Variants in LPP observed in about 807,000 individuals in gnomAD.
LPP encodes LIM domain containing preferred translocation partner in lipoma.
LPP carries 38 observed loss-of-function variants against 60.4 expected under a neutral mutation model. The ratio of observed to expected loss-of-function variants is 0.63; its 90% CI spans 0.49 to 0.83. LPP has a LOEUF of 0.83. Ranked by LOEUF, LPP falls within the 40% of genes least tolerant of loss-of-function variation. LPP has a pLI of 0.00. For synonymous variants in LPP, 328 were observed against 290.8 expected (o/e 1.13, Z -1.30); for missense variants, 902 against 783.6 (o/e 1.15, Z -1.80).
intron 3 of LPP, among the ~76,000 whole-genome samples, chr3:188,376,840 G>C (rs1490390323): frequency 6.6e-6 from 1 of 152,146 alleles, no homozygotes; most frequent in Admixed American, 6.5e-5. Flanking sequence ...GCAGTGGCTG[G>C]TACTGGTTGT....
At chr3:188,680,867 C>T (rs4686491) in intron 7 of LPP, among the ~76,000 whole-genome samples, 50,334 of 151,970 alleles carry the variant, frequency 0.33, 8,984 homozygotes, top group East Asian at 0.6. Flanking sequence ...TCATACTCAG[C>T]GCTGGAGCAC....
intron 6 of LPP, among the ~76,000 whole-genome samples, chr3:188,559,341 A>G (rs1296459136): frequency 1.3e-5 from 2 of 152,088 alleles, no homozygotes; most frequent in Non-Finnish European, 2.9e-5. Context: ...TAAATGTTCT[A>G]TCAGATATAT....
At chr3:188,723,681 A>T (rs1006562560) in intron 8 of LPP, among the ~76,000 whole-genome samples, 2 of 152,122 alleles carry the variant, frequency 1.3e-5, no homozygotes, top group Non-Finnish European at 2.9e-5. Context: ...TCGATGCATA[A>T]TCCACTTAGC....
chr3:188,867,518 A>AT (rs1214036619), intron 10 of LPP, among the ~76,000 whole-genome samples: 9 of 151,750 alleles, frequency 5.9e-5, no homozygotes, highest in African/African-American at 2.2e-4. Context: ...TAATGTTTGT[A>AT]TTTTTAGTAG....
chr3:188,190,668 G>A (rs1727914807), intron 1 of LPP, among the ~76,000 whole-genome samples: 1 of 152,296 alleles, frequency 6.6e-6, no homozygotes, highest in Non-Finnish European at 1.5e-5. Context: ...GCAGTAGAAG[G>A]CAGGAGTGAC....
At chr3:188,587,233 C>T (rs201693678) in intron 6 of LPP, among the ~76,000 whole-genome samples, 7,370 of 11,332 alleles carry the variant, frequency 0.65, 3,577 homozygotes, top group Middle Eastern at 1. Flanking sequence ...GTCCCAGCTA[C>T]TCGGGAGGCT....
At chr3:188,698,174 A>G (rs560531005) in intron 7 of LPP, among the ~76,000 whole-genome samples, 1 of 152,246 alleles carries the variant, frequency 6.6e-6, no homozygotes, top group African/African-American at 2.4e-5. Flanking sequence ...CCAAATGAAG[A>G]TGAAACGTGT....
intron 6 of LPP, among the ~76,000 whole-genome samples, chr3:188,540,055 T>A (rs1254244484): frequency 6.6e-6 from 1 of 152,176 alleles, no homozygotes; most frequent in African/African-American, 2.4e-5. Flanking sequence ...CTGGTATAGA[T>A]GTTTCATTTG....
In LPP at chr3:188,888,912, T is replaced by G. The variant is rs773106340; in HGVS notation, c.*14433T>G. The stretch of plus-strand genomic sequence containing the variant: ...TTGCTAAGGTTTCCTGTACTCTGCT[T>G]CAAGGGAATGTAAGCTTTATGGCAT... On this transcript the variant is annotated 3_prime_UTR_variant, in exon 12 of 12. Transcript: ENST00000617246. 1 of 219,942 alleles carries G rather than the reference T, an allele frequency of 4.5e-6. No homozygotes were observed. Among genetic ancestry groups the G allele is most frequent in the Non-Finnish European group, 9.1e-6 (1 of 109,486 alleles). The allele number at this position is 219,942 out of a possible 1,614,324, so 13.6% of individuals were successfully genotyped here.
At chr3:188,825,259 C>G (rs1331947201) in intron 9 of LPP, among the ~76,000 whole-genome samples, 1 of 102,114 alleles carries the variant, frequency 9.8e-6, no homozygotes, top group African/African-American at 3.6e-5. Flanking sequence ...CTCTCTCTCT[C>G]TCTCTCTCTC....
chr3:188,332,535 C>T (rs1760398890), intron 2 of LPP, among the ~76,000 whole-genome samples: 1 of 152,122 alleles, frequency 6.6e-6, no homozygotes. Context: ...TTCATTCATT[C>T]ATTGAATGTT....
chr3:188,607,388 TA>T (rs1842649711), intron 6 of LPP, among the ~76,000 whole-genome samples: 1 of 25,044 alleles, frequency 4.0e-5, no homozygotes, highest in African/African-American at 1.9e-4. Context: ...TATATATATA[TA>T]TATATATATA....
At chr3:188,843,844 C>T (rs1760782735) in intron 9 of LPP, among the ~76,000 whole-genome samples, 2 of 151,522 alleles carry the variant, frequency 1.3e-5, no homozygotes, top group African/African-American at 4.9e-5. Context: ...CCTGCAGTCC[C>T]TCTCTTTAGC....
intron 1 of LPP, among the ~76,000 whole-genome samples, chr3:188,213,617 A>G (rs1038296354): frequency 9.2e-5 from 14 of 152,034 alleles, no homozygotes; most frequent in African/African-American, 3.4e-4. Flanking sequence ...AGATGCCTAG[A>G]TTTGTTGTTT....
At chr3:188,832,692 T>A (rs1757415965) in intron 9 of LPP, among the ~76,000 whole-genome samples, 1 of 152,200 alleles carries the variant, frequency 6.6e-6, no homozygotes, top group Non-Finnish European at 1.5e-5. Flanking sequence ...TAGGTGGTTA[T>A]CAGGGTTCTG....
chr3:188,227,453 G>T lies in LPP; in HGVS notation c.-67+1926G>T, dbSNP rs139004474. Among the ~76,000 whole-genome samples the T allele has an allele frequency of 1.8e-4, 27 of 149,864 alleles. No homozygotes were observed. The East Asian group carries it at 5.0e-3, about 28-fold the overall frequency. ...TGGAAGAGTCTTAGAAGTTTTTGTTGTTCATAAGCTAAATATGAGCCAACA... is the reference window on the plus strand; with the variant it reads ...TGGAAGAGTCTTAGAAGTTTTTGTTTTTCATAAGCTAAATATGAGCCAACA... On this transcript the variant is annotated intron_variant, in intron 2 of 11. Transcript: ENST00000617246.
rs1222179597 is a variant in LPP at position 188,363,972 on chromosome 3, G to C, written c.-10+22253G>C. On this transcript the variant is annotated intron_variant, in intron 3 of 11. Transcript: ENST00000617246. ...TTGGGCAAGATGTTGGCAGTTTTCTGCAGAAGCGTGGTCAAGCACATTAGC... is the reference window on the plus strand; with the variant it reads ...TTGGGCAAGATGTTGGCAGTTTTCTCCAGAAGCGTGGTCAAGCACATTAGC... 2.0e-5 allele frequency among the ~76,000 whole-genome samples: 3 copies of C among 150,988 alleles called. No homozygotes were observed. The East Asian group carries it at 5.8e-4, about 29-fold the overall frequency.
At chr3:188,301,529 A>G (rs929215699) in intron 2 of LPP, among the ~76,000 whole-genome samples, 1 of 152,224 alleles carries the variant, frequency 6.6e-6, no homozygotes. Context: ...ATGAAGAGCT[A>G]TTGTATAGCT....
At chr3:188,551,802 G>T (rs1306882008) in intron 6 of LPP, among the ~76,000 whole-genome samples, 1 of 152,134 alleles carries the variant, frequency 6.6e-6, no homozygotes, top group Non-Finnish European at 1.5e-5. Context: ...CACTAATGTA[G>T]GTTGGAGTGA....
Sources: gnomAD v4.1 joint callset for allele counts (sites outside exome capture counted in the v4.1 genomes callset) on GRCh38, gnomAD v4.1.1 for gene constraint, MANE v1.5 for transcripts, NCBI Gene and HGNC (gene_info 2026-07-23, HGNC 2026-07-21) for gene names.